Variants in PTPRN observed in about 807,000 individuals in gnomAD.
PTPRN encodes the protein protein tyrosine phosphatase receptor type N.
PTPRN carries 70 observed loss-of-function variants against 108.5 expected under a neutral mutation model. The observed-to-expected ratio is 0.65, with a 90% CI of 0.53 to 0.79. The LOEUF (loss-of-function observed/expected upper bound fraction) is 0.79, where lower values mean the gene tolerates loss of function less well. Ranked by LOEUF, PTPRN falls within the 30% of genes least tolerant of loss-of-function variation. The pLI, the probability that PTPRN is intolerant of heterozygous loss-of-function variation, is 0.00. For missense variants in PTPRN, 1,136 were observed against 1,295.5 expected (o/e 0.88, Z 1.89); for synonymous variants, 496 against 524.6 (o/e 0.95, Z 0.75).
At position 219,302,161 on chromosome 2, in the gene PTPRN, G is replaced by A; in HGVS notation, c.970C>T (p.Pro324Ser). The stretch of plus-strand genomic sequence containing the variant: ...CCTGGCTGCACAGCTGGGGAAGCAG[G>A]CTTCTCTCCACGATCCCCTAGTCCT... ...KEGLGDRGEKPASPAVQPDAA... is the reference protein window; with the variant it reads ...KEGLGDRGEKSASPAVQPDAA... Residue 324 changes from proline (P) to serine (S), a missense_variant, in exon 6 of 23, where the codon CCT (proline) becomes TCT (serine). Transcript: ENST00000295718. The A allele has an allele frequency of 2.5e-6, 4 of 1,592,242 alleles. No individual in the cohort carries two copies. The East Asian group carries it at 6.8e-5, about 27-fold the overall frequency.
intron 7 of PTPRN, among the ~76,000 whole-genome samples, chr2:219,301,285 G>A (rs997871964): frequency 2.6e-5 from 4 of 151,658 alleles, no homozygotes; most frequent in Non-Finnish European, 4.4e-5. Flanking sequence ...GGCTATGCCC[G>A]TTTTTAGGCC....
intron 1 of PTPRN, 59 bp from the exon 2 acceptor site, chr2:219,307,901 G>C: frequency 6.5e-7 from 1 of 1,534,620 alleles, no homozygotes; most frequent in Non-Finnish European, 9.0e-7. Flanking sequence ...TGGGCAGATG[G>C]GTGGACAGGC....
In PTPRN at chr2:219,297,591, G is replaced by C. The variant is rs1233061645; in HGVS notation, c.1888-158C>G. On this transcript the variant is annotated intron_variant, in intron 13 of 22. Coordinates refer to ENST00000295718, the MANE Select transcript of PTPRN (RefSeq NM_002846.4). The surrounding 1 kb of genome is among the most constrained non-coding windows in gnomAD (Gnocchi z 6.0). Reference sequence around the variant, plus strand: ...TTCTGCCTGGCCCTGATCCTTTCCAGGGCTGTTTTGCTTGGGTGGTGCTTA... The same window carrying C: ...TTCTGCCTGGCCCTGATCCTTTCCACGGCTGTTTTGCTTGGGTGGTGCTTA... Among the ~76,000 whole-genome samples the C allele has an allele frequency of 6.6e-6, 1 of 152,142 alleles. No homozygotes were observed. The highest frequency in any genetic ancestry group is 1.5e-5 in the Non-Finnish European group (1 of 68,016).
In PTPRN at chr2:219,297,982, G is replaced by T. The variant is rs777855300; in HGVS notation, c.1790C>A (p.Ala597Asp). The T allele has an allele frequency of 1.2e-6, 2 of 1,613,810 alleles. No individual in the cohort carries two copies. Among genetic ancestry groups the T allele is most frequent in the Non-Finnish European group, 1.7e-6 (2 of 1,179,986 alleles). Residue 597 changes from alanine (A) to aspartate (D), a missense_variant, in exon 13 of 23, where the codon GCT becomes GAT. By Grantham distance (126) the Ala-to-Asp change is moderately radical. Coordinates refer to ENST00000295718, the MANE Select transcript of PTPRN (RefSeq NM_002846.4). This position sits in a 1 kb window ranked among gnomAD's most constrained non-coding sequence, Gnocchi z 6.0. ...VAGLLVALAV[A>D]LCVRQHARQQ... ...CCGCGCATGCTGCCGCACACACAGA[G>T]CCACAGCCAGAGCCACCAGCAGCCC...
In PTPRN at chr2:219,296,196, A is replaced by G. The variant is rs765081723; in HGVS notation, c.2508+30T>C. The G allele has an allele frequency of 1.4e-5, 22 of 1,612,954 alleles. No individual in the cohort carries two copies. The highest frequency in any genetic ancestry group is 1.9e-5 in the Non-Finnish European group (22 of 1,179,146). ...GCCATCATCTACTCTTCCCACATCC[A>G]TTGTCCCCTTGCTGTGGGGCCCTGC... On this transcript the variant is annotated intron_variant, in intron 18 of 22. Coordinates refer to ENST00000295718, the MANE Select transcript of PTPRN (RefSeq NM_002846.4). The surrounding 1 kb of genome is among the most constrained non-coding windows in gnomAD (Gnocchi z 6.0).
chr2:219,302,112 A>G (rs761873880), intron 6 of PTPRN, 25 bp downstream of exon 6: 1 of 1,535,088 alleles, frequency 6.5e-7, no homozygotes, highest in Non-Finnish European at 8.8e-7. Flanking sequence ...CCTCACAGGG[A>G]GGTGGATGCT....
chr2:219,297,359 C>T lies in PTPRN; in HGVS notation c.1962G>A (p.Val654=). Residue 654 remains valine, a synonymous_variant, in exon 14 of 23, where the codon GTG becomes GTA. Coordinates refer to ENST00000295718, the MANE Select transcript of PTPRN (RefSeq NM_002846.4). The surrounding 1 kb of genome is among the most constrained non-coding windows in gnomAD (Gnocchi z 6.0). ...RAEGPPEPSR[V]SSVSSQFSDA... is the part of the protein sequence containing the mutation. ...CGCTGAACTGGGAGGACACACTGCT[C>T]ACCCGTGAAGGCTCCGGTGGACCCT... is the stretch of plus-strand genomic sequence containing the variant. The T allele has an allele frequency of 6.2e-7, 1 of 1,614,092 alleles. No homozygotes were observed. The highest frequency in any genetic ancestry group is 8.5e-7 in the Non-Finnish European group (1 of 1,180,038).
At chr2:219,303,698 C>A (rs952366867) in intron 4 of PTPRN, 37 bp downstream of exon 4, 1 of 1,565,920 alleles carries the variant, frequency 6.4e-7, no homozygotes, top group Non-Finnish European at 8.8e-7. Context: ...ATTCATCAGC[C>A]TCACCATTGC....
rs149805226 is a variant in PTPRN, at chr2:219,307,725, C to T, written c.166+67G>A. On this transcript the variant is annotated intron_variant, in intron 2 of 22. Transcript: ENST00000295718. Reference sequence around the variant, plus strand: ...CCCTCTTCCTTTCTGGGCCTTCTCTCCCCTTCTTGTTTTTTATTGCCCCTC... The same window carrying T: ...CCCTCTTCCTTTCTGGGCCTTCTCTTCCCTTCTTGTTTTTTATTGCCCCTC... 101 of 1,575,228 alleles carry T rather than the reference C, an allele frequency of 6.4e-5. No homozygotes were observed. The African/African-American group carries it at 1.1e-3, about 18-fold the overall frequency.
rs767843180 is a variant in PTPRN at position 219,309,316 on chromosome 2, C to T, written c.17G>A (p.Arg6Gln). Residue 6 changes from arginine (R) to glutamine (Q), a missense_variant, in exon 1 of 23, where the codon CGG becomes CAG. By Grantham distance (43) the Arg-to-Gln change is conservative. Transcript: ENST00000295718. ...CCCGGATCCCCCGAGACCCCCAGGC[C>T]GCCGCGGGCGCCGCATCTTTCCGAG... MRRPR[R>Q]PGGLGGSGGL... is the part of the protein sequence containing the mutation. 3 of 1,478,240 alleles carry T rather than the reference C, an allele frequency of 2.0e-6. No homozygotes were observed. The South Asian group carries it at 3.7e-5, about 18-fold the overall frequency. 91.6% of individuals were successfully genotyped at this position (1,478,240 alleles called of 1,614,324 possible).
chr2:219,295,043 C>G lies in PTPRN; in HGVS notation c.2607G>C (p.Gln869His). ...CTGCCGGCCAGCTGAGGAAGTGGAA[C>G]TGCGTGAGCGTGCGCGTCTCCTGGG... is the stretch of plus-strand genomic sequence containing the variant. The part of the protein sequence containing the change: ...VQTQETRTLT[Q>H]FHFLSWPAEG... Residue 869 changes from glutamine to histidine, a missense_variant, in exon 19 of 23, where the codon CAG becomes CAC. Transcript: ENST00000295718. 1 of 1,613,182 alleles carries G rather than the reference C, an allele frequency of 6.2e-7. No individual in the cohort carries two copies. The highest frequency in any genetic ancestry group is 8.5e-7 in the Non-Finnish European group (1 of 1,179,544).
rs767108148 is a variant in PTPRN at position 219,290,282 on chromosome 2, C to A, written c.2884G>T (p.Ala962Ser). The part of the protein sequence containing the change: ...LVRSKDQFEF[A>S]LTAVAEEVNA... ...ACTTCCTCCGCCACGGCTGTCAGGG[C>A]AAATTCAAACTGGTCCTGAGGAAGG... Residue 962 changes from alanine to serine, a missense_variant, in exon 23 of 23, where the codon GCC becomes TCC. Transcript: ENST00000295718. The surrounding 1 kb of genome is among the most constrained non-coding windows in gnomAD (Gnocchi z 4.2). 20 of 1,613,468 alleles carry A rather than the reference C, an allele frequency of 1.2e-5. No individual in the cohort carries two copies. The East Asian group carries it at 2.0e-4, about 16-fold the overall frequency.
chr2:219,299,204 G>A (rs957426800), intron 11 of PTPRN, 93 bp from the exon 12 acceptor site: 1 of 1,600,590 alleles, frequency 6.2e-7, no homozygotes, highest in Non-Finnish European at 8.6e-7. Flanking sequence ...GCCCATGTGG[G>A]CTGGGAACAT....
Position 219,290,393 on chromosome 2 carries a change from G to T in PTPRN, c.2869-96C>A. 1 of 1,408,528 alleles carries T rather than the reference G, an allele frequency of 7.1e-7. No homozygotes were observed. Among genetic ancestry groups the T allele is most frequent in the Non-Finnish European group, 9.9e-7 (1 of 1,013,960 alleles). 87.3% of individuals were successfully genotyped at this position (1,408,528 alleles called of 1,614,324 possible). On this transcript the variant is annotated intron_variant, in intron 22 of 22. Coordinates refer to ENST00000295718, the MANE Select transcript of PTPRN (RefSeq NM_002846.4). The surrounding 1 kb of genome is among the most constrained non-coding windows in gnomAD (Gnocchi z 4.2). ...TTTGGTGGGGGGAGGGCCCTGGGCA[G>T]GTCCCCTGGGAGGAAGGGAGCCCTC...
At chr2:219,293,687 A>G (rs1336226636) in intron 19 of PTPRN, among the ~76,000 whole-genome samples, 1 of 152,206 alleles carries the variant, frequency 6.6e-6, no homozygotes, top group Non-Finnish European at 1.5e-5. Flanking sequence ...CCTGTGTCTC[A>G]GGCCTCAGGG....
chr2:219,308,893 C>T, intron 1 of PTPRN: 1 of 1,361,040 alleles, frequency 7.3e-7, no homozygotes, highest in East Asian at 4.2e-5. Flanking sequence ...TCCCAGGCGC[C>T]TCGGAGCAAG....
chr2:219,298,987 G>T, intron 12 of PTPRN, 60 bp downstream of exon 12: 4 of 1,595,664 alleles, frequency 2.5e-6, no homozygotes, highest in Non-Finnish European at 3.4e-6. Context: ...TTTGCCTCCA[G>T]CTCTTGCGGA....
chr2:219,309,215 G>T lies in PTPRN; in HGVS notation c.115+3C>A. 2.0e-6 allele frequency: 3 copies of T among 1,505,500 alleles called. No individual in the cohort carries two copies. Among genetic ancestry groups the T allele is most frequent in the South Asian group, 1.2e-5 (1 of 83,138 alleles). 93.3% of individuals were successfully genotyped at this position (1,505,500 alleles called of 1,614,324 possible). A position where few individuals can be genotyped will look rare whatever the true frequency, so the allele number is the denominator to read the frequency against. On this transcript the variant is annotated splice_donor_region_variant and intron_variant, in intron 1 of 22. Coordinates refer to ENST00000295718, the MANE Select transcript of PTPRN (RefSeq NM_002846.4). ...CACCCGCCAGCCCAAGTTTCCTCCT[G>T]ACCGTGGGCACTAACGGCGCTGCAG... is the stretch of plus-strand genomic sequence containing the variant.
chr2:219,306,934 C>T (rs1435700668), intron 3 of PTPRN: 1 of 152,454 alleles, frequency 6.6e-6, no homozygotes, highest in Non-Finnish European at 1.5e-5. Context: ...ATATTATATG[C>T]TATTTATCAT....
Sources: allele counts gnomAD v4.1 joint callset (sites outside exome capture counted in the v4.1 genomes callset), GRCh38; gene constraint gnomAD v4.1.1; non-coding constraint Gnocchi (gnomAD v3.1); transcripts MANE v1.5; gene names NCBI Gene and HGNC (gene_info 2026-07-23, HGNC 2026-07-21).